ZBBX: variants seen among roughly 807,000 people sequenced by gnomAD.
The protein encoded by ZBBX is zinc finger B-box domain-containing protein 1.
ZBBX carries 101 observed loss-of-function variants against 108.5 expected under a neutral mutation model. The ratio of observed to expected loss-of-function variants is 0.93; its 90% CI spans 0.79 to 1.10. The LOEUF is 1.10. ZBBX is among the 50% of genes least tolerant of loss of function. The pLI, the probability that ZBBX is intolerant of heterozygous loss-of-function variation, is 0.00. For missense variants in ZBBX, 1,009 were observed against 941.4 expected, an observed-to-expected ratio of 1.07 and a Z score of -0.94; for synonymous variants, 356 against 323.4, an observed-to-expected ratio of 1.10 and a Z score of -1.08.
intron 1 of ZBBX, chr3:167,392,772 G>A (rs921533352): frequency 9.9e-5 from 15 of 151,776 alleles, no homozygotes; most frequent in African/African-American, 3.6e-4. Flanking sequence ...TGAAGCAGAG[G>A]AATTAAAACG....
intron 20 of ZBBX, among the ~76,000 whole-genome samples, chr3:167,276,391 C>T (rs1727583601): frequency 6.6e-6 from 1 of 152,042 alleles, no homozygotes; most frequent in South Asian, 2.1e-4. Context: ...CAGAGAAGTG[C>T]TTAAAGGAGC....
At chr3:167,266,409 T>C (rs761660425) in intron 20 of ZBBX, among the ~76,000 whole-genome samples, 13 of 152,152 alleles carry the variant, frequency 8.5e-5, no homozygotes, top group Non-Finnish European at 1.6e-4. Flanking sequence ...TTGCCAAAAG[T>C]TACTATAAAC....
chr3:167,399,091 A>G (rs1748339211), intron 1 of ZBBX, among the ~76,000 whole-genome samples: 1 of 151,966 alleles, frequency 6.6e-6, no homozygotes, highest in East Asian at 1.9e-4. Flanking sequence ...GGATGCAGAC[A>G]CTGGACCTTA....
intron 20 of ZBBX, among the ~76,000 whole-genome samples, chr3:167,251,925 A>AACACACACACACACACACACACAC (rs3221849): frequency 6.3e-5 from 9 of 143,722 alleles, no homozygotes; most frequent in African/African-American, 2.4e-4. Flanking sequence ...TTGTGCCTGC[A>AACACACACACACACACACACACAC]ACACACACAC....
chr3:167,204,033 G>A, the ZBBX span, among the ~76,000 whole-genome samples: 1 of 152,016 alleles, frequency 6.6e-6, no homozygotes, highest in Admixed American at 6.6e-5. Flanking sequence ...CCTTAAATAA[G>A]AAGACAACAG....
the ZBBX span, among the ~76,000 whole-genome samples, chr3:167,199,143 G>A: frequency 2.6e-5 from 4 of 152,132 alleles, no homozygotes; most frequent in African/African-American, 9.7e-5. Context: ...AGGGTGAGTT[G>A]ATGAACAGGC....
intron 12 of ZBBX, among the ~76,000 whole-genome samples, chr3:167,319,574 T>G (rs60445212): frequency 0.055 from 8,327 of 151,940 alleles, 474 homozygotes; most frequent in African/African-American, 0.14. Flanking sequence ...AGGTAAGAAA[T>G]AAATGAGCAC....
chr3:167,289,012 A>G, intron 18 of ZBBX, 29 bp from the exon 19 acceptor site: 4 of 1,464,666 alleles, frequency 2.7e-6, no homozygotes, highest in Non-Finnish European at 3.7e-6. Context: ...AAGATAACAT[A>G]AAGTTTGAAA....
chr3:167,267,359 T>G (rs1191758601), intron 20 of ZBBX, among the ~76,000 whole-genome samples: 4 of 152,110 alleles, frequency 2.6e-5, no homozygotes, highest in African/African-American at 9.7e-5. Context: ...TGAGCGTTAA[T>G]AAGCCTCCAG....
At chr3:167,243,734 T>C (rs894671227) in intron 20 of ZBBX, among the ~76,000 whole-genome samples, 1 of 147,476 alleles carries the variant, frequency 6.8e-6, no homozygotes, top group African/African-American at 2.5e-5. Context: ...ACATGTGTTC[T>C]ACAGTGGACT....
intron 15 of ZBBX, 88 bp from the exon 16 acceptor site, chr3:167,314,204 A>G: frequency 8.7e-7 from 1 of 1,150,704 alleles, no homozygotes; most frequent in South Asian, 2.0e-5. Flanking sequence ...ATTAAAACAA[A>G]TATAGTAAAA....
At chr3:167,264,349 C>A (rs974694242) in intron 20 of ZBBX, among the ~76,000 whole-genome samples, 1 of 152,066 alleles carries the variant, frequency 6.6e-6, no homozygotes, top group Non-Finnish European at 1.5e-5. Flanking sequence ...TTAATTTACG[C>A]TTTTTATTTT....
rs771443781 is a variant in ZBBX, at chr3:167,314,082, G to A, written c.1309C>T (p.Pro437Ser). 4 of 1,601,336 alleles carry A rather than the reference G, an allele frequency of 2.5e-6. No homozygotes were observed. The South Asian group carries it at 3.4e-5, about 14-fold the overall frequency. Residue 437 changes from proline to serine, a missense_variant, in exon 16 of 22, where the codon CCA becomes TCA. Physicochemically the swap from Pro to Ser is moderately conservative, Grantham distance 74 (BLOSUM62 -1). Transcript: ENST00000675490. ...AFHDCQKNSF[P>S]YENGIHQHHV... ...TGTTGATGGATGCCATTTTCATATG[G>A]AAAGCTATTCTTCTGACAATCATGA...
At chr3:167,188,787 G>A in the ZBBX span, among the ~76,000 whole-genome samples, 1 of 152,280 alleles carries the variant, frequency 6.6e-6, no homozygotes, top group East Asian at 1.9e-4. Flanking sequence ...CTTGTCCTAG[G>A]TGAGAGTGTC....
At chr3:167,225,280 C>A in the ZBBX span, among the ~76,000 whole-genome samples, 3 of 151,870 alleles carry the variant, frequency 2.0e-5, no homozygotes, top group Non-Finnish European at 4.4e-5. Flanking sequence ...ACCCTTATTT[C>A]TTAATTTTTA....
At chr3:167,346,022 T>C (rs566747592) in intron 9 of ZBBX, among the ~76,000 whole-genome samples, 2 of 152,000 alleles carry the variant, frequency 1.3e-5, no homozygotes, top group South Asian at 4.1e-4. Context: ...ATAGAATGCT[T>C]TTTGTTTGTT....
the ZBBX span, among the ~76,000 whole-genome samples, chr3:167,229,767 A>G: frequency 6.6e-5 from 10 of 151,860 alleles, no homozygotes; most frequent in Non-Finnish European, 1.0e-4. Context: ...ATTTTATTCA[A>G]TCAAGACTTA....
chr3:167,399,062 C>T (rs1489631395), intron 1 of ZBBX, among the ~76,000 whole-genome samples: 1 of 150,776 alleles, frequency 6.6e-6, no homozygotes, highest in African/African-American at 2.4e-5. Context: ...GAGTCCCCAC[C>T]ACCAAGAAGG....
At chr3:167,292,103 G>T (rs575797772) in intron 18 of ZBBX, among the ~76,000 whole-genome samples, 1 of 152,008 alleles carries the variant, frequency 6.6e-6, no homozygotes, top group African/African-American at 2.4e-5. Flanking sequence ...TACAATAATA[G>T]TGGGAGACTT....
Sources: gnomAD v4.1 joint callset for allele counts (sites outside exome capture counted in the v4.1 genomes callset) on GRCh38, gnomAD v4.1.1 for gene constraint, MANE v1.5 for transcripts, NCBI Gene and HGNC (gene_info 2026-07-23, HGNC 2026-07-21) for gene names.